NRXN3: variants seen among roughly 807,000 people sequenced by gnomAD.
The protein encoded by NRXN3 is neurexin 3.
In NRXN3, 32 loss-of-function variants were observed where a neutral mutation model predicts 137.6. The observed-to-expected ratio is 0.23, with a 90% CI of 0.18 to 0.31. NRXN3 has a LOEUF of 0.31. Among genes scored for constraint, NRXN3 ranks in the 10% least tolerant of loss-of-function variants. The pLI is 1.00. For synonymous variants in NRXN3, 798 were observed against 784.5 expected (o/e 1.02, Z -0.29); for missense variants, 1,574 against 2,062.5 (o/e 0.76, Z 4.59).
At chr14:79,754,571 TAC>T (rs1228854947) in intron 19 of NRXN3, among the ~76,000 whole-genome samples, 1,541 of 105,230 alleles carry the variant, frequency 0.015, 108 homozygotes, top group African/African-American at 0.054. Context: ...TATGCACACA[TAC>T]ACACACACAC....
Position 79,865,737 on chromosome 14 carries a change from T to A in NRXN3, c.*3773T>A, listed in dbSNP as rs1195233801. The A allele has an allele frequency of 6.6e-6, 1 of 152,226 alleles. No homozygotes were observed. The highest frequency in any genetic ancestry group is 1.5e-5 in the Non-Finnish European group (1 of 68,044). 9.4% of individuals were successfully genotyped at this position (152,226 alleles called of 1,614,324 possible). A position where few individuals can be genotyped will look rare whatever the true frequency, so the allele number is the denominator to read the frequency against. On this transcript the variant is annotated 3_prime_UTR_variant, in exon 21 of 21. Coordinates refer to ENST00000335750, the MANE Select transcript of NRXN3 (RefSeq NM_001330195.2). ...GCCTCTCAACCTCAAACGATTCTCC[T>A]GCCTCAGCCTCCTGAGTAGCTGCGA...
chr14:79,778,754 T>C (rs1024030164), intron 19 of NRXN3, among the ~76,000 whole-genome samples: 10 of 152,198 alleles, frequency 6.6e-5, no homozygotes, highest in Non-Finnish European at 1.5e-4. Context: ...CAATTTCTTA[T>C]ACGTTTTTAC....
At chr14:78,227,351 A>G (rs944347820) in intron 1 of NRXN3, among the ~76,000 whole-genome samples, 7 of 152,156 alleles carry the variant, frequency 4.6e-5, no homozygotes, top group Non-Finnish European at 7.3e-5. Context: ...GGGAGTTGAA[A>G]AAAAAAACAC....
At chr14:78,249,883 C>T (rs8003110) in intron 2 of NRXN3, among the ~76,000 whole-genome samples, 135,672 of 152,056 alleles carry the variant, frequency 0.89, 60,687 homozygotes, top group Middle Eastern at 0.97. Flanking sequence ...GGAGGGAAAA[C>T]GATCCGGACT....
At chr14:79,069,060 A>G (rs1404624538) in intron 15 of NRXN3, among the ~76,000 whole-genome samples, 1 of 152,034 alleles carries the variant, frequency 6.6e-6, no homozygotes, top group Admixed American at 6.6e-5. Context: ...TAAGGGGAGG[A>G]TGAATAGAAG....
chr14:79,526,286 ATCTGCCTG>A (rs1462673157), intron 16 of NRXN3, among the ~76,000 whole-genome samples: 2 of 152,114 alleles, frequency 1.3e-5, no homozygotes, highest in Non-Finnish European at 2.9e-5. Flanking sequence ...ACCTCAGGTG[ATCTGCCTG>A]CCTTGGCCTC....
At chr14:79,820,456 T>C (rs910187820) in intron 20 of NRXN3, among the ~76,000 whole-genome samples, 13 of 152,186 alleles carry the variant, frequency 8.5e-5, no homozygotes, top group African/African-American at 3.1e-4. Flanking sequence ...CCAGATTTAG[T>C]ACTACCAGCC....
chr14:78,778,751 CTTCTTTCTCTTTCT>C lies in NRXN3; in HGVS notation c.2045-24860_2045-24847del, dbSNP rs1441788171. Among the ~76,000 whole-genome samples, 56 of 68,922 alleles carry C rather than the reference CTTCTTTCTCTTTCT, an allele frequency of 8.1e-4. 1 individual carries two copies. The highest frequency in any genetic ancestry group is 2.9e-3 in the African/African-American group (49 of 16,624). The allele number at this position is 68,922 out of a possible 152,430, so 45.2% of individuals were successfully genotyped here. On this transcript the variant is annotated intron_variant, in intron 8 of 20. Coordinates refer to ENST00000335750, the MANE Select transcript of NRXN3 (RefSeq NM_001330195.2). ...CTTTCTCTCTCTCTTTCTTTCTTTC[CTTCTTTCTCTTTCT>C]TTCTTTCTTTCTTTCTTTCTTTCTT... is the stretch of plus-strand genomic sequence containing the variant.
intron 15 of NRXN3, among the ~76,000 whole-genome samples, chr14:79,321,064 G>A (rs1598688188): frequency 1.3e-5 from 2 of 152,108 alleles, no homozygotes; most frequent in East Asian, 3.9e-4. Flanking sequence ...TTATACCAGT[G>A]CAATTTTCCA....
At chr14:79,805,233 T>C (rs2099199414) in intron 20 of NRXN3, 43 bp downstream of exon 20, 1 of 1,499,526 alleles carries the variant, frequency 6.7e-7, no homozygotes, top group Admixed American at 1.7e-5. Flanking sequence ...CTTTTTTCTT[T>C]TGCAAAAAAC....
intron 16 of NRXN3, among the ~76,000 whole-genome samples, chr14:79,509,865 A>C (rs2153688074): frequency 6.6e-6 from 1 of 152,320 alleles, no homozygotes; most frequent in South Asian, 2.1e-4. Context: ...TACTCAATGA[A>C]CTGAAGGTTT....
intron 1 of NRXN3, among the ~76,000 whole-genome samples, chr14:78,183,998 T>A (rs2060026746): frequency 6.6e-6 from 1 of 152,228 alleles, no homozygotes; most frequent in Non-Finnish European, 1.5e-5. Flanking sequence ...GTTATTTATT[T>A]ATTTTACAAC....
At chr14:79,228,007 G>T (rs1011413353) in intron 15 of NRXN3, among the ~76,000 whole-genome samples, 5 of 152,090 alleles carry the variant, frequency 3.3e-5, no homozygotes, top group African/African-American at 1.2e-4. Flanking sequence ...ATAGGTCAAA[G>T]CAAACAGGAT....
intron 10 of NRXN3, among the ~76,000 whole-genome samples, chr14:78,837,139 C>T (rs1353045028): frequency 6.6e-6 from 1 of 152,124 alleles, no homozygotes; most frequent in African/African-American, 2.4e-5. Context: ...GTGAATGCAC[C>T]TCTATCGAGC....
chr14:79,111,493 C>T (rs534275116), intron 15 of NRXN3, among the ~76,000 whole-genome samples: 3 of 152,234 alleles, frequency 2.0e-5, no homozygotes, highest in East Asian at 3.9e-4. Context: ...AATCCCAGCA[C>T]CTTGGGAGGC....
intron 8 of NRXN3, among the ~76,000 whole-genome samples, chr14:78,747,493 G>A (rs999434274): frequency 2.6e-5 from 4 of 152,108 alleles, no homozygotes; most frequent in African/African-American, 9.7e-5. Flanking sequence ...CTTATTTCAC[G>A]TGCTTTAGTG....
At chr14:79,191,665 G>A (rs1160220002) in intron 15 of NRXN3, among the ~76,000 whole-genome samples, 1 of 152,106 alleles carries the variant, frequency 6.6e-6, no homozygotes, top group Non-Finnish European at 1.5e-5. Flanking sequence ...TATTTGCCAG[G>A]CATGTGACAT....
intron 8 of NRXN3, among the ~76,000 whole-genome samples, chr14:78,784,902 A>C (rs968281253): frequency 1.3e-5 from 2 of 152,122 alleles, no homozygotes; most frequent in African/African-American, 4.8e-5. Flanking sequence ...GGCACGTTCC[A>C]GGAGCCAAGA....
rs2078226269 is a variant in NRXN3, at chr14:78,313,575, A to G, written c.757+15715A>G. Among the ~76,000 whole-genome samples, 6 of 152,134 alleles carry G rather than the reference A, an allele frequency of 3.9e-5. No individual in the cohort carries two copies. The South Asian group carries it at 1.2e-3, about 32-fold the overall frequency. On this transcript the variant is annotated intron_variant, in intron 4 of 20. Coordinates refer to ENST00000335750, the MANE Select transcript of NRXN3 (RefSeq NM_001330195.2). ...TCCCCATTTTCACAGGCAAGAAAAC[A>G]GAGGCCCAAGGTTACAAAGCTAGTT...
Sources: gnomAD v4.1 joint callset for allele counts (sites outside exome capture counted in the v4.1 genomes callset) on GRCh38, gnomAD v4.1.1 for gene constraint, MANE v1.5 for transcripts, NCBI Gene and HGNC (gene_info 2026-07-23, HGNC 2026-07-21) for gene names.